The following CERS3 variants were observed in gnomAD, a reference collection of about 807,000 sequenced individuals.
CERS3 encodes the protein ceramide synthase 3.
In CERS3, 33 loss-of-function variants were observed where a neutral mutation model predicts 50.3. The observed-to-expected ratio is 0.66, with a 90% CI of 0.50 to 0.88. CERS3 has a LOEUF of 0.88. Among genes scored for constraint, CERS3 ranks in the 40% least tolerant of loss-of-function variants. The pLI, the probability that CERS3 is intolerant of heterozygous loss-of-function variation, is 0.00. For synonymous variants in CERS3, 176 were observed against 155.2 expected, an observed-to-expected ratio of 1.13 and a Z score of -0.99; for missense variants, 470 against 460.3, an observed-to-expected ratio of 1.02 and a Z score of -0.19.
At chr15:100,487,914 G>A (rs2035536091) in intron 4 of CERS3, among the ~76,000 whole-genome samples, 1 of 152,276 alleles carries the variant, frequency 6.6e-6, no homozygotes, top group African/African-American at 2.4e-5. Context: ...TACTTGCTCT[G>A]CATCAGTTCA....
At chr15:100,504,879 T>C (rs1158295011) in intron 2 of CERS3, among the ~76,000 whole-genome samples, 1 of 152,214 alleles carries the variant, frequency 6.6e-6, no homozygotes, top group Non-Finnish European at 1.5e-5. Flanking sequence ...AAAAGGGGAA[T>C]TTAGAGAAAT....
chr15:100,484,668 T>G lies in CERS3; in HGVS notation c.289A>C (p.Thr97Pro), dbSNP rs201025462. The G allele has an allele frequency of 7.4e-5, 118 of 1,604,038 alleles. No individual in the cohort carries two copies. The highest frequency in any genetic ancestry group is 9.6e-5 in the Non-Finnish European group (113 of 1,171,186). The part of the protein sequence containing the change: ...FKHSTRQPLQ[T>P]DIYGLAKKCN... ...TTCTTTGCCAGTCCATAAATATCAGTCTGAAAAGGGATGAAACGCATAAAT... is the reference window on the plus strand; with the variant it reads ...TTCTTTGCCAGTCCATAAATATCAGGCTGAAAAGGGATGAAACGCATAAAT... Residue 97 changes from threonine to proline, a missense_variant and splice_region_variant, in exon 5 of 12, where the codon ACT becomes CCT. Physicochemically the swap from Thr to Pro is conservative, Grantham distance 38. Transcript: ENST00000679737.
intron 10 of CERS3, among the ~76,000 whole-genome samples, 164 bp from the exon 11 acceptor site, chr15:100,456,210 C>T (rs1030756216): frequency 6.6e-6 from 1 of 152,128 alleles, no homozygotes; most frequent in Non-Finnish European, 1.5e-5. Context: ...TCTTAAATAT[C>T]ATTACTGGCA....
At chr15:100,536,389 A>G (rs753222075) in intron 1 of CERS3, among the ~76,000 whole-genome samples, 1 of 152,092 alleles carries the variant, frequency 6.6e-6, no homozygotes, top group African/African-American at 2.4e-5. Context: ...GGCTCAAGGG[A>G]TCCTCCTACT....
chr15:100,472,152 T>C (rs1046317818), intron 9 of CERS3, among the ~76,000 whole-genome samples: 2 of 152,154 alleles, frequency 1.3e-5, no homozygotes, highest in Non-Finnish European at 2.9e-5. Context: ...AAATGTGAAA[T>C]GGGTTAGCGT....
At chr15:100,520,788 G>C (rs2036617996) in intron 2 of CERS3, among the ~76,000 whole-genome samples, 1 of 152,170 alleles carries the variant, frequency 6.6e-6, no homozygotes, top group Admixed American at 6.5e-5. Flanking sequence ...GCAGGGTGGG[G>C]AGGAGGGGAA....
At chr15:100,495,923 ATC>A (rs1392879734) in intron 3 of CERS3, among the ~76,000 whole-genome samples, 1 of 152,136 alleles carries the variant, frequency 6.6e-6, no homozygotes, top group African/African-American at 2.4e-5. Context: ...TCTATTGTTA[ATC>A]TCTGTTTCTT....
At chr15:100,451,218 A>G (rs539655927) in intron 11 of CERS3, among the ~76,000 whole-genome samples, 1 of 152,354 alleles carries the variant, frequency 6.6e-6, no homozygotes, top group Non-Finnish European at 1.5e-5. Flanking sequence ...AGAGAGAAAG[A>G]AAGAAACAAA....
intron 1 of CERS3, among the ~76,000 whole-genome samples, chr15:100,536,609 G>T (rs1488963887): frequency 1.3e-5 from 2 of 152,188 alleles, no homozygotes; most frequent in African/African-American, 2.4e-5. Context: ...TAAATGAGGA[G>T]CTAAGACTAC....
chr15:100,461,591 T>C (rs902710219), intron 10 of CERS3, among the ~76,000 whole-genome samples: 15 of 152,224 alleles, frequency 9.9e-5, no homozygotes, highest in Admixed American at 6.5e-5. Context: ...TAGTTACAAC[T>C]ATTACTCTTA....
At chr15:100,514,158 C>T (rs982813815) in intron 2 of CERS3, among the ~76,000 whole-genome samples, 6 of 152,094 alleles carry the variant, frequency 3.9e-5, no homozygotes, top group Non-Finnish European at 7.4e-5. Flanking sequence ...ATTGTACCTC[C>T]CTGCAGGGTT....
chr15:100,446,467 A>G (rs1039196533), intron 11 of CERS3, among the ~76,000 whole-genome samples: 3 of 151,862 alleles, frequency 2.0e-5, no homozygotes, highest in Admixed American at 1.3e-4. Context: ...TCAGAGGTCA[A>G]TTACGGCAGT....
At chr15:100,432,128 G>A (rs1464676294) in intron 11 of CERS3, among the ~76,000 whole-genome samples, 5 of 151,746 alleles carry the variant, frequency 3.3e-5, no homozygotes, top group Admixed American at 3.3e-4. Context: ...TGTGCAGTGG[G>A]GCAATCATGG....
chr15:100,513,053 A>G (rs1307158430), intron 2 of CERS3, among the ~76,000 whole-genome samples: 1 of 152,298 alleles, frequency 6.6e-6, no homozygotes, highest in Non-Finnish European at 1.5e-5. Flanking sequence ...AAAAATGCCA[A>G]TTAGACATTT....
chr15:100,519,882 G>T (rs1301043029), intron 2 of CERS3, among the ~76,000 whole-genome samples: 1 of 152,206 alleles, frequency 6.6e-6, no homozygotes, highest in African/African-American at 2.4e-5. Context: ...CCAGGACCCT[G>T]TGCTTGATCC....
chr15:100,512,709 G>A (rs976905892), intron 2 of CERS3, among the ~76,000 whole-genome samples: 1 of 152,090 alleles, frequency 6.6e-6, no homozygotes, highest in Non-Finnish European at 1.5e-5. Flanking sequence ...TGATGGAAAA[G>A]TCCAACCATC....
chr15:100,478,204 CA>C (rs2035193831), intron 7 of CERS3, among the ~76,000 whole-genome samples: 2 of 152,096 alleles, frequency 1.3e-5, no homozygotes, highest in African/African-American at 4.8e-5. Context: ...ATTTGAGAAT[CA>C]AAAAATATAA....
intron 1 of CERS3, among the ~76,000 whole-genome samples, chr15:100,527,568 G>A (rs565305432): frequency 6.6e-6 from 1 of 152,338 alleles, no homozygotes; most frequent in East Asian, 1.9e-4. Flanking sequence ...TGGGAATATA[G>A]AATGAGCTGA....
chr15:100,407,811 G>A (rs769688311), intron 11 of CERS3, among the ~76,000 whole-genome samples: 3 of 152,118 alleles, frequency 2.0e-5, no homozygotes, highest in Non-Finnish European at 2.9e-5. Flanking sequence ...AAGTATATAG[G>A]AGGCAGTGTG....
Sources: allele counts gnomAD v4.1 joint callset (sites outside exome capture counted in the v4.1 genomes callset), GRCh38; gene constraint gnomAD v4.1.1; transcripts MANE v1.5; gene names NCBI Gene and HGNC (gene_info 2026-07-23, HGNC 2026-07-21).